SMARCA5: variants seen among roughly 807,000 people sequenced by gnomAD.
SMARCA5 encodes SWI/SNF-related matrix-associated actin-dependent regulator of chromatin subfamily A member 5.
A neutral mutation model predicts 140.4 loss-of-function variants in SMARCA5; 18 were observed. The observed-to-expected ratio is 0.13, with a 90% CI of 0.09 to 0.19. The LOEUF is 0.19. Ranked by LOEUF, SMARCA5 falls within the 10% of genes least tolerant of loss-of-function variation. The pLI is 1.00. For missense variants in SMARCA5, 606 were observed against 1,276.8 expected (o/e 0.47, Z 8.01); for synonymous variants, 449 against 419.6 (o/e 1.07, Z -0.86).
chr4:143,538,467 TCCCCC>T, intron 11 of SMARCA5, 118 bp from the exon 12 acceptor site: 2 of 735,870 alleles, frequency 2.7e-6, no homozygotes, highest in Non-Finnish European at 4.6e-6. Flanking sequence ...TAGATTTTTT[TCCCCC>T]TTGTAACCAA....
At chr4:143,530,823 G>T (rs1476751625) in intron 9 of SMARCA5, among the ~76,000 whole-genome samples, 1 of 152,076 alleles carries the variant, frequency 6.6e-6, no homozygotes, top group Non-Finnish European at 1.5e-5. Context: ...ACAAGTTTTT[G>T]TTGTTGTTTT....
chr4:143,544,228 T>G, intron 16 of SMARCA5: 1 of 232,006 alleles, frequency 4.3e-6, no homozygotes, highest in Non-Finnish European at 8.2e-6. Flanking sequence ...ATGGGATGAA[T>G]AGTAATTTGG....
chr4:143,555,254 A>G lies in SMARCA5; in HGVS notation c.*2070A>G. 1.2e-6 allele frequency: 1 copy of G among 860,610 alleles called. No homozygotes were observed. The allele number at this position is 860,610 out of a possible 1,614,324, so 53.3% of individuals were successfully genotyped here. On this transcript the variant is annotated 3_prime_UTR_variant, in exon 24 of 24. Coordinates refer to ENST00000283131, the MANE Select transcript of SMARCA5 (RefSeq NM_003601.4). ...AAAGTTTCCTCCCTTCATGGGTCCAAAATTTGAAGACTGATTGTTGTCATT... is the reference window on the plus strand; with the variant it reads ...AAAGTTTCCTCCCTTCATGGGTCCAGAATTTGAAGACTGATTGTTGTCATT...
intron 1 of SMARCA5, among the ~76,000 whole-genome samples, chr4:143,515,973 A>G (rs1334127788): frequency 6.6e-6 from 1 of 151,220 alleles, no homozygotes; most frequent in East Asian, 1.9e-4. Flanking sequence ...TTTGGTTGAC[A>G]TTATAGTGTG....
chr4:143,549,252 C>T (rs1737593909), intron 22 of SMARCA5, among the ~76,000 whole-genome samples: 1 of 151,804 alleles, frequency 6.6e-6, no homozygotes, highest in Middle Eastern at 3.2e-3. Flanking sequence ...ATTTCTAAGT[C>T]TTGTGTGGTG....
chr4:143,524,045 T>C (rs1737019922), intron 3 of SMARCA5, among the ~76,000 whole-genome samples: 3 of 152,182 alleles, frequency 2.0e-5, no homozygotes, highest in Admixed American at 2.0e-4. Flanking sequence ...GCAAAAAGAT[T>C]TTTAAAAAGG....
chr4:143,540,271 G>C (rs1055797646), intron 13 of SMARCA5, 92 bp from the exon 14 acceptor site: 20 of 980,814 alleles, frequency 2.0e-5, no homozygotes, highest in Non-Finnish European at 2.8e-5. Flanking sequence ...TTATATTTCA[G>C]AATATTTTAA....
At chr4:143,523,077 C>G (rs915976065) in intron 3 of SMARCA5, among the ~76,000 whole-genome samples, 1 of 152,086 alleles carries the variant, frequency 6.6e-6, no homozygotes, top group African/African-American at 2.4e-5. Flanking sequence ...CTCTGTGGCC[C>G]AGGCTGGAGT....
chr4:143,534,595 G>A (rs1198304169), intron 9 of SMARCA5, among the ~76,000 whole-genome samples: 1 of 152,098 alleles, frequency 6.6e-6, no homozygotes, highest in African/African-American at 2.4e-5. Context: ...GAGGATGTTT[G>A]TAGGTTATAT....
At chr4:143,538,042 T>G (rs1220049655) in intron 11 of SMARCA5, among the ~76,000 whole-genome samples, 1 of 152,182 alleles carries the variant, frequency 6.6e-6, no homozygotes, top group Non-Finnish European at 1.5e-5. Context: ...AAATGATCCT[T>G]TGTCTTGATA....
At chr4:143,514,392 C>T (rs1736778370) in intron 1 of SMARCA5, 2 of 358,724 alleles carry the variant, frequency 5.6e-6, no homozygotes, top group South Asian at 5.3e-5. Context: ...TTACCGTGGC[C>T]CGGGGGACCC....
intron 3 of SMARCA5, among the ~76,000 whole-genome samples, chr4:143,523,686 G>T (rs1737009781): frequency 6.6e-6 from 1 of 152,182 alleles, no homozygotes; most frequent in African/African-American, 2.4e-5. Context: ...TGTGGTTTTG[G>T]TAGAAATGAA....
At chr4:143,532,068 A>G (rs1200913347) in intron 9 of SMARCA5, among the ~76,000 whole-genome samples, 1 of 152,270 alleles carries the variant, frequency 6.6e-6, no homozygotes, top group African/African-American at 2.4e-5. Flanking sequence ...ACCTGGCACA[A>G]TGCCTAGTTA....
chr4:143,514,976 C>G (rs774228815), intron 1 of SMARCA5, among the ~76,000 whole-genome samples: 25 of 152,072 alleles, frequency 1.6e-4, no homozygotes, highest in Non-Finnish European at 3.1e-4. Flanking sequence ...AGCTGCCAGG[C>G]GGGTAAATTG....
intron 9 of SMARCA5, among the ~76,000 whole-genome samples, chr4:143,532,814 G>A (rs1737219580): frequency 6.6e-6 from 1 of 151,698 alleles, no homozygotes; most frequent in South Asian, 2.1e-4. Context: ...TGGTTTCTTT[G>A]TGGATTACAC....
chr4:143,542,788 A>G (rs1043233792), intron 14 of SMARCA5, among the ~76,000 whole-genome samples: 1 of 152,084 alleles, frequency 6.6e-6, no homozygotes, highest in Non-Finnish European at 1.5e-5. Flanking sequence ...AATATTTATT[A>G]ATTTATTAAT....
chr4:143,547,545 T>G, intron 21 of SMARCA5, 42 bp downstream of exon 21: 1 of 1,015,780 alleles, frequency 9.8e-7, no homozygotes, highest in South Asian at 1.3e-5. Context: ...ATAAAATAAC[T>G]CCTAGCTGTG....
In SMARCA5 at chr4:143,554,492, T is replaced by C. The variant is rs2149826720; in HGVS notation, c.*1308T>C. 1 of 152,212 alleles carries C rather than the reference T, an allele frequency of 6.6e-6. No individual in the cohort carries two copies. The highest frequency in any genetic ancestry group is 1.5e-5 in the Non-Finnish European group (1 of 68,010). The allele number at this position is 152,212 out of a possible 1,614,324, so 9.4% of individuals were successfully genotyped here. A position where few individuals can be genotyped will look rare whatever the true frequency, so the allele number is the denominator to read the frequency against. ...AAATTTCTATTAGTAGTTGTTTTCA[T>C]CTGCCCACATGTAATTGAAGATTTA... On this transcript the variant is annotated 3_prime_UTR_variant, in exon 24 of 24. Transcript: ENST00000283131.
intron 6 of SMARCA5, 93 bp downstream of exon 6, chr4:143,526,553 C>T (rs114384797): frequency 0.011 from 8,604 of 778,504 alleles, 71 homozygotes; most frequent in Non-Finnish European, 0.015. Flanking sequence ...ATAAATGAGA[C>T]GGGATCTTCG....
Sources: gnomAD v4.1 joint callset for allele counts (sites outside exome capture counted in the v4.1 genomes callset) on GRCh38, gnomAD v4.1.1 for gene constraint, MANE v1.5 for transcripts, NCBI Gene and HGNC (gene_info 2026-07-23, HGNC 2026-07-21) for gene names.